The following ZNF451 variants were observed in gnomAD, a reference collection of about 807,000 sequenced individuals.
ZNF451 encodes the protein E3 SUMO-protein ligase ZNF451.
Under a neutral mutation model 107.1 loss-of-function variants are expected in ZNF451, and 80 were observed. The observed-to-expected ratio is 0.75, with a 90% CI of 0.62 to 0.90. The LOEUF is 0.90. Ranked by LOEUF, ZNF451 falls within the 40% of genes least tolerant of loss-of-function variation. The pLI, the probability that ZNF451 is intolerant of heterozygous loss-of-function variation, is 0.00. For synonymous variants in ZNF451, 362 were observed against 406.5 expected, an observed-to-expected ratio of 0.89 and a Z score of 1.32; for missense variants, 1,107 against 1,236.2, an observed-to-expected ratio of 0.90 and a Z score of 1.57.
intron 14 of ZNF451, among the ~76,000 whole-genome samples, chr6:57,162,691 G>A (rs1235238792): frequency 5.9e-5 from 9 of 152,158 alleles, no homozygotes; most frequent in Middle Eastern, 3.2e-3. Context: ...TTGACACCTC[G>A]TGACTCATCC....
intron 14 of ZNF451, chr6:57,165,742 A>G (rs1763868238): frequency 6.6e-6 from 1 of 152,164 alleles, no homozygotes; most frequent in Non-Finnish European, 1.5e-5. Flanking sequence ...CACCCATGCT[A>G]TATCATGTAG....
At chr6:57,108,755 A>G in intron 3 of ZNF451, 1 of 985,450 alleles carries the variant, frequency 1.0e-6, no homozygotes, top group Non-Finnish European at 1.2e-6. Context: ...GGAAGGCAGT[A>G]GAAGAAAGAA....
intron 3 of ZNF451, chr6:57,104,064 T>A: frequency 8.1e-6 from 8 of 984,780 alleles, no homozygotes; most frequent in Non-Finnish European, 9.6e-6. Flanking sequence ...TTTAGCCCAG[T>A]CATATCAAGA....
intron 4 of ZNF451, among the ~76,000 whole-genome samples, chr6:57,128,129 C>T (rs745865120): frequency 2.6e-5 from 4 of 152,168 alleles, no homozygotes; most frequent in Non-Finnish European, 5.9e-5. Flanking sequence ...ATATTAAGTG[C>T]TAATGAGTTA....
chr6:57,117,591 G>A (rs963558509), intron 3 of ZNF451, among the ~76,000 whole-genome samples: 1 of 152,074 alleles, frequency 6.6e-6, no homozygotes, highest in Non-Finnish European at 1.5e-5. Flanking sequence ...AATTTGAAGG[G>A]AGTGAAGTTT....
intron 3 of ZNF451, chr6:57,103,885 T>A (rs765874236): frequency 2.0e-6 from 2 of 985,414 alleles, no homozygotes; most frequent in South Asian, 4.7e-5. Context: ...CACCCATTTT[T>A]AAATCTACTT....
At chr6:57,131,419 G>C (rs1831172681) in intron 5 of ZNF451, among the ~76,000 whole-genome samples, 1 of 151,996 alleles carries the variant, frequency 6.6e-6, no homozygotes, top group South Asian at 2.1e-4. Flanking sequence ...ACTATTTATA[G>C]CTAAATAAAG....
At chr6:57,157,122 T>C (rs1428960761) in intron 13 of ZNF451, among the ~76,000 whole-genome samples, 2 of 152,186 alleles carry the variant, frequency 1.3e-5, no homozygotes, top group Admixed American at 1.3e-4. Flanking sequence ...TTTTCAGATT[T>C]TTGAATTTTT....
chr6:57,146,007 A>G (rs989662488), intron 9 of ZNF451, among the ~76,000 whole-genome samples: 1 of 152,120 alleles, frequency 6.6e-6, no homozygotes, highest in African/African-American at 2.4e-5. Context: ...CTGGTGTAAG[A>G]TGGTATCGCA....
rs556012825 is a variant in ZNF451, at chr6:57,152,451, T to C, written c.2883+100T>C. 2.1e-5 allele frequency: 29 copies of C among 1,365,664 alleles called. 1 individual carries two copies. In the Admixed American group the frequency reaches 4.8e-4, roughly 23 times the overall value. 84.6% of individuals were successfully genotyped at this position (1,365,664 alleles called of 1,614,324 possible). On this transcript the variant is annotated intron_variant, in intron 12 of 14. Transcript: ENST00000370706. ...ATGAGACTTATAGATCATTCTTCAG[T>C]ACTTCAGGTTCTACCTATGACTATT...
At chr6:57,128,255 A>G (rs537246099) in intron 4 of ZNF451, among the ~76,000 whole-genome samples, 1 of 152,316 alleles carries the variant, frequency 6.6e-6, no homozygotes, top group African/African-American at 2.4e-5. Flanking sequence ...ATAATCCTTT[A>G]CATAGAAATT....
chr6:57,104,870 C>A (rs1490959838), intron 3 of ZNF451: 2 of 985,242 alleles, frequency 2.0e-6, no homozygotes, highest in Non-Finnish European at 2.4e-6. Context: ...GGGAAATTAT[C>A]AAATTGGTGA....
At chr6:57,118,342 T>C (rs1830469602) in intron 3 of ZNF451, among the ~76,000 whole-genome samples, 1 of 152,206 alleles carries the variant, frequency 6.6e-6, no homozygotes, top group South Asian at 2.1e-4. Flanking sequence ...GAAAGTATTA[T>C]CTCTGTTGAG....
At position 57,134,975 on chromosome 6, in the gene ZNF451, C is replaced by T. The variant is rs2127968266; in HGVS notation, c.702+105C>T. 5 of 884,294 alleles carry T rather than the reference C, an allele frequency of 5.7e-6. 1 individual carries two copies. The highest frequency in any genetic ancestry group is 8.4e-6 in the Non-Finnish European group (5 of 593,470). The allele number at this position is 884,294 out of a possible 1,614,324, so 54.8% of individuals were successfully genotyped here. A position where few individuals can be genotyped will look rare whatever the true frequency, so the allele number is the denominator to read the frequency against. ...TAAGCTTGCAATTACCAGTGATACA[C>T]ATAAGTATCAAAACTGTAATTGTCA... On this transcript the variant is annotated intron_variant, in intron 7 of 14. Coordinates refer to ENST00000370706, the MANE Select transcript of ZNF451 (RefSeq NM_001031623.3).
At chr6:57,149,481 G>A (rs1248049033) in intron 10 of ZNF451, among the ~76,000 whole-genome samples, 1 of 152,124 alleles carries the variant, frequency 6.6e-6, no homozygotes, top group East Asian at 1.9e-4. Flanking sequence ...CTGGCCTTAA[G>A]CAATCCTCCT....
intron 3 of ZNF451, among the ~76,000 whole-genome samples, chr6:57,124,211 G>A (rs1830794147): frequency 3.3e-5 from 5 of 152,106 alleles, no homozygotes; most frequent in Admixed American, 2.6e-4. Flanking sequence ...TCATGAGTGG[G>A]TGCTGGATTT....
rs775931401 is a variant in ZNF451 at position 57,148,591 on chromosome 6, A to G, written c.2506A>G (p.Ser836Gly). The G allele has an allele frequency of 6.2e-7, 1 of 1,614,176 alleles. No individual in the cohort carries two copies. The highest frequency in any genetic ancestry group is 8.5e-7 in the Non-Finnish European group (1 of 1,179,976). ...ATCAAACCTGTACAAGTTTACTGCT[A>G]GTGCCTCACATACAGAGAGAAAACT... ...EKSNLYKFTA[S>G]ASHTERKLKQ... Residue 836 changes from serine (S) to glycine (G), a missense_variant, in exon 10 of 15, where the codon AGT becomes GGT. This residue lies in a region of ZNF451 where 608 missense variants were observed against 649.2 expected (regional missense o/e 0.94). Transcript: ENST00000370706.
intron 3 of ZNF451, chr6:57,102,914 G>A: frequency 2.0e-6 from 2 of 985,382 alleles, no homozygotes; most frequent in Non-Finnish European, 2.4e-6. Context: ...AATCCTAATA[G>A]TCTTTGACCT....
chr6:57,166,092 A>C (rs1362156427), intron 14 of ZNF451, among the ~76,000 whole-genome samples: 1 of 150,428 alleles, frequency 6.6e-6, no homozygotes, highest in Non-Finnish European at 1.5e-5. Context: ...CAGTTGTGTG[A>C]TCTTGGCTCA....
Sources: gnomAD v4.1 joint callset for allele counts (sites outside exome capture counted in the v4.1 genomes callset) on GRCh38, gnomAD v4.1.1 for gene constraint, gnomAD v4.1.1 regional missense constraint, MANE v1.5 for transcripts, NCBI Gene and HGNC (gene_info 2026-07-23, HGNC 2026-07-21) for gene names.